KCTD9: variants seen among roughly 807,000 people sequenced by gnomAD.
KCTD9 encodes the protein potassium channel tetramerization domain containing 9, also known as BTB/POZ domain-containing protein KCTD9.
A neutral mutation model predicts 53.3 loss-of-function variants in KCTD9; 17 were observed. That is an observed-to-expected ratio of 0.32 (90% CI 0.22 to 0.48). The LOEUF is 0.48. Ranked by LOEUF, KCTD9 falls within the 20% of genes least tolerant of loss-of-function variation. The probability of loss-of-function intolerance (pLI) is 0.99; values close to 1 mark genes in which losing one functional copy is unlikely to be tolerated. For synonymous variants in KCTD9, 128 were observed against 162.7 expected (o/e 0.79, Z 1.62); for missense variants, 179 against 465.5 (o/e 0.38, Z 5.66).
rs926304008 is a variant in KCTD9, at chr8:25,446,384, C to T, written c.49-134G>A. 2.0e-5 allele frequency: 20 copies of T among 983,762 alleles called. No individual in the cohort carries two copies. The East Asian group carries it at 3.1e-4, about 15-fold the overall frequency. 60.9% of individuals were successfully genotyped at this position (983,762 alleles called of 1,614,324 possible). A position where few individuals can be genotyped will look rare whatever the true frequency, so the allele number is the denominator to read the frequency against. On this transcript the variant is annotated intron_variant, in intron 1 of 11. Transcript: ENST00000221200. ...AGACTTCAAAAGGTTCTTAACAGTG[C>T]CCCCTTTTCTTCCATGACTCATTTA...
At chr8:25,436,105 C>T in intron 8 of KCTD9, 130 bp downstream of exon 8, 1 of 696,196 alleles carries the variant, frequency 1.4e-6, no homozygotes, top group Non-Finnish European at 2.5e-6. Context: ...AATGCTATGA[C>T]TCATAATTAA....
intron 9 of KCTD9, 124 bp from the exon 10 acceptor site, chr8:25,433,559 T>C: frequency 2.2e-6 from 1 of 450,578 alleles, no homozygotes; most frequent in Non-Finnish European, 4.0e-6. Flanking sequence ...ATACTCAATT[T>C]TATTTTCTGT....
At chr8:25,431,679 T>C (rs754790033) in intron 11 of KCTD9, among the ~76,000 whole-genome samples, 3 of 152,142 alleles carry the variant, frequency 2.0e-5, no homozygotes, top group Non-Finnish European at 2.9e-5. Context: ...GTGCTCGTGA[T>C]AGGATTATAC....
In KCTD9 at chr8:25,458,267, C is replaced by A; in HGVS notation, c.-21G>T. On this transcript the variant is annotated 5_prime_UTR_variant, in exon 1 of 12. The change creates a new upstream start codon in the 5' untranslated region. Transcript: ENST00000221200. Reference sequence around the variant, plus strand: ...CTCATCGCGCTGCCCCCGCTGGGTCCTGAGTGAGCCGCCACCCTCCCACCT... The same window carrying A: ...CTCATCGCGCTGCCCCCGCTGGGTCATGAGTGAGCCGCCACCCTCCCACCT... The A allele has an allele frequency of 6.2e-7, 1 of 1,610,046 alleles. No homozygotes were observed. Among genetic ancestry groups the A allele is most frequent in the Non-Finnish European group, 8.5e-7 (1 of 1,179,324 alleles).
rs1275280316 is a variant in KCTD9 at position 25,435,381 on chromosome 8, G to C, written c.795C>G (p.Leu265=). ...TACTTACGTCAAGCACTGATCCAGA[G>C]AGATCAGCTCGTTCAAGATTTGCAC... ...LCCANLERAD[L]SGSVLDCANL... is the part of the protein sequence containing the mutation. Residue 265 remains leucine (L), a synonymous_variant, in exon 9 of 12, where the codon CTC becomes CTG. Coordinates refer to ENST00000221200, the MANE Select transcript of KCTD9 (RefSeq NM_017634.4). 1.2e-6 allele frequency: 2 copies of C among 1,604,910 alleles called. No individual in the cohort carries two copies. The highest frequency in any genetic ancestry group is 8.5e-7 in the Non-Finnish European group (1 of 1,176,588).
intron 7 of KCTD9, 30 bp from the exon 8 acceptor site, chr8:25,436,360 G>C (rs1483741748): frequency 6.3e-7 from 1 of 1,592,370 alleles, no homozygotes; most frequent in Admixed American, 1.7e-5. Flanking sequence ...AATTAGTGGA[G>C]TCTTTTGGGA....
At chr8:25,444,156 C>T (rs1802172235) in intron 3 of KCTD9, 136 bp downstream of exon 3, 1 of 774,758 alleles carries the variant, frequency 1.3e-6, no homozygotes, top group Admixed American at 2.9e-5. Context: ...AATGCAGAAT[C>T]AAAAAGTGTG....
chr8:25,431,714 A>G (rs956354040), intron 11 of KCTD9, among the ~76,000 whole-genome samples: 1 of 152,150 alleles, frequency 6.6e-6, no homozygotes, highest in African/African-American at 2.4e-5. Flanking sequence ...TTTGCCTTGA[A>G]GTTGAAAGGG....
rs1389388297 is a variant in KCTD9, at chr8:25,435,386, C to T, written c.790G>A (p.Asp264Asn). The T allele has an allele frequency of 6.2e-7, 1 of 1,606,570 alleles. No homozygotes were observed. The highest frequency in any genetic ancestry group is 8.5e-7 in the Non-Finnish European group (1 of 1,177,494). ...NLCCANLERA[D>N]LSGSVLDCAN... Reference sequence around the variant, plus strand: ...ACGTCAAGCACTGATCCAGAGAGATCAGCTCGTTCAAGATTTGCACAGCAA... The same window carrying T: ...ACGTCAAGCACTGATCCAGAGAGATTAGCTCGTTCAAGATTTGCACAGCAA... Residue 264 changes from aspartate (D) to asparagine (N), a missense_variant, in exon 9 of 12, where the codon GAT (aspartate) becomes AAT (asparagine). Coordinates refer to ENST00000221200, the MANE Select transcript of KCTD9 (RefSeq NM_017634.4).
chr8:25,442,584 T>A (rs941178294), intron 3 of KCTD9, among the ~76,000 whole-genome samples: 1 of 152,216 alleles, frequency 6.6e-6, no homozygotes, highest in East Asian at 1.9e-4. Context: ...ATTGTTCTCA[T>A]AGTATCTTGG....
Position 25,458,433 on chromosome 8 carries a change from C to G in KCTD9, c.-187G>C. The G allele has an allele frequency of 6.1e-6, 4 of 659,658 alleles. No homozygotes were observed. Among genetic ancestry groups the G allele is most frequent in the Non-Finnish European group, 8.1e-6 (3 of 370,414 alleles). 40.9% of individuals were successfully genotyped at this position (659,658 alleles called of 1,614,324 possible). ...CCACACCCAAGGTTCGGCCGGTCCT[C>G]CTTCCCACCCCGCCCCTAGGCTCCT... On this transcript the variant is annotated 5_prime_UTR_variant, in exon 1 of 12. Coordinates refer to ENST00000221200, the MANE Select transcript of KCTD9 (RefSeq NM_017634.4).
intron 8 of KCTD9, 79 bp downstream of exon 8, chr8:25,436,156 C>T (rs868162051): frequency 2.2e-6 from 2 of 905,848 alleles, no homozygotes; most frequent in Admixed American, 3.7e-5. Flanking sequence ...GCAAGATAAT[C>T]CCAAAACACT....
chr8:25,458,268 T>C lies in KCTD9; in HGVS notation c.-22A>G. The C allele has an allele frequency of 6.2e-7, 1 of 1,603,070 alleles. No individual in the cohort carries two copies. Among genetic ancestry groups the C allele is most frequent in the Non-Finnish European group, 8.5e-7 (1 of 1,175,162 alleles). ...TCATCGCGCTGCCCCCGCTGGGTCC[T>C]GAGTGAGCCGCCACCCTCCCACCTG... On this transcript the variant is annotated 5_prime_UTR_variant, in exon 1 of 12. Transcript: ENST00000221200.
chr8:25,455,222 C>T (rs764926465), intron 1 of KCTD9, among the ~76,000 whole-genome samples: 39 of 151,318 alleles, frequency 2.6e-4, no homozygotes, highest in Non-Finnish European at 5.3e-4. Flanking sequence ...AAAACTCCGT[C>T]TCAAAAAATA....
intron 6 of KCTD9, among the ~76,000 whole-genome samples, chr8:25,437,487 C>T (rs1351610916): frequency 2.0e-4 from 31 of 151,894 alleles, no homozygotes; most frequent in Admixed American, 7.2e-4. Context: ...CCAGCCTGGC[C>T]AACACATGGT....
rs1039475535 is a variant in KCTD9, at chr8:25,452,902, C to T, written c.48+5297G>A. 2.6e-5 allele frequency among the ~76,000 whole-genome samples: 4 copies of T among 152,114 alleles called. No homozygotes were observed. In the South Asian group the frequency reaches 8.3e-4, roughly 31 times the overall value. Reference sequence around the variant, plus strand: ...CAAGGACTGGCCTGGCATGATGGCTCATGCCTGTAGTCGCAGCACCTTGGG... The same window carrying T: ...CAAGGACTGGCCTGGCATGATGGCTTATGCCTGTAGTCGCAGCACCTTGGG... On this transcript the variant is annotated intron_variant, in intron 1 of 11. Coordinates refer to ENST00000221200, the MANE Select transcript of KCTD9 (RefSeq NM_017634.4).
At chr8:25,454,873 T>A (rs1409472654) in intron 1 of KCTD9, among the ~76,000 whole-genome samples, 1 of 152,218 alleles carries the variant, frequency 6.6e-6, no homozygotes, top group Admixed American at 6.5e-5. Context: ...CCACTAAGAA[T>A]CTCCTAAATA....
chr8:25,444,187 A>G, intron 3 of KCTD9, 105 bp downstream of exon 3: 1 of 929,638 alleles, frequency 1.1e-6, no homozygotes, highest in Non-Finnish European at 1.6e-6. Context: ...TACAGCCATA[A>G]GATCATTTTT....
In KCTD9 at chr8:25,446,065, G is replaced by T. The variant is rs563115075; in HGVS notation, c.170+64C>A. The stretch of plus-strand genomic sequence containing the variant: ...ACAGTGATTAAATTACTGCTTAAGG[G>T]AAACAGCATAGCACCAAGAAGTTGA... On this transcript the variant is annotated intron_variant, in intron 2 of 11. Coordinates refer to ENST00000221200, the MANE Select transcript of KCTD9 (RefSeq NM_017634.4). 38 of 1,573,806 alleles carry T rather than the reference G, an allele frequency of 2.4e-5. 2 individuals carry two copies. In the South Asian group the frequency reaches 4.4e-4, roughly 18 times the overall value.
Sources: gnomAD v4.1 joint callset for allele counts (sites outside exome capture counted in the v4.1 genomes callset) on GRCh38, gnomAD v4.1.1 for gene constraint, MANE v1.5 for transcripts, NCBI Gene and HGNC (gene_info 2026-07-23, HGNC 2026-07-21) for gene names.